The following LAMA2 variants were observed in gnomAD, a reference collection of about 807,000 sequenced individuals.
LAMA2 encodes laminin subunit alpha 2.
LAMA2 carries 269 observed loss-of-function variants against 364.8 expected under a neutral mutation model. The observed-to-expected ratio is 0.74, with a 90% CI of 0.67 to 0.82. The LOEUF is 0.82. LAMA2 is among the 40% of genes least tolerant of loss of function. The probability of loss-of-function intolerance (pLI) is 0.00; values close to 1 mark genes in which losing one functional copy is unlikely to be tolerated. For synonymous variants in LAMA2, 1,379 were observed against 1,370.6 expected, an observed-to-expected ratio of 1.01 and a Z score of -0.14; for missense variants, 3,807 against 3,873.2, an observed-to-expected ratio of 0.98 and a Z score of 0.45.
intron 22 of LAMA2, among the ~76,000 whole-genome samples, chr6:129,301,330 A>T (rs1477682509): frequency 1.3e-5 from 2 of 152,182 alleles, no homozygotes; most frequent in Non-Finnish European, 2.9e-5. Flanking sequence ...ATTTTTTCCC[A>T]TTGGTAGACC....
chr6:129,515,413 T>G (rs934577541), intron 64 of LAMA2, among the ~76,000 whole-genome samples: 1 of 152,238 alleles, frequency 6.6e-6, no homozygotes, highest in African/African-American at 2.4e-5. Context: ...GATCTTTTGC[T>G]TCAATCAGGA....
chr6:129,110,395 T>C (rs915424953), intron 4 of LAMA2, among the ~76,000 whole-genome samples: 30 of 152,068 alleles, frequency 2.0e-4, no homozygotes, highest in African/African-American at 7.2e-4. Context: ...GAATGGCAGA[T>C]CATGCTAGAT....
chr6:128,917,169 C>G (rs545886339), intron 1 of LAMA2, among the ~76,000 whole-genome samples: 14 of 57,884 alleles, frequency 2.4e-4, no homozygotes, highest in African/African-American at 5.2e-4. Context: ...GAAATTGAAG[C>G]CTTTTTTAAA....
intron 12 of LAMA2, among the ~76,000 whole-genome samples, chr6:129,198,792 A>C (rs953114194): frequency 6.6e-6 from 1 of 152,176 alleles, no homozygotes; most frequent in Non-Finnish European, 1.5e-5. Flanking sequence ...TTCTAGGAAA[A>C]TGCAACTTAA....
intron 1 of LAMA2, among the ~76,000 whole-genome samples, chr6:129,028,234 A>G (rs1785969826): frequency 6.6e-6 from 1 of 152,034 alleles, no homozygotes; most frequent in Non-Finnish European, 1.5e-5. Flanking sequence ...TAAATTATGA[A>G]CTATTTTATC....
chr6:129,026,577 A>C lies in LAMA2; in HGVS notation c.113-23341A>C, dbSNP rs560806142. 4.6e-5 allele frequency among the ~76,000 whole-genome samples: 7 copies of C among 152,312 alleles called. No individual in the cohort carries two copies. In the South Asian group the frequency reaches 1.4e-3, roughly 32 times the overall value. On this transcript the variant is annotated intron_variant, in intron 1 of 64. Transcript: ENST00000421865. Reference sequence around the variant, plus strand: ...GATACTTTAACTCTTTCAGATGTTAAGGATTCTATTTCCCAAATAACTTCA... The same window carrying C: ...GATACTTTAACTCTTTCAGATGTTACGGATTCTATTTCCCAAATAACTTCA...
At chr6:128,924,177 C>T (rs1001377916) in intron 1 of LAMA2, among the ~76,000 whole-genome samples, 11 of 152,048 alleles carry the variant, frequency 7.2e-5, no homozygotes, top group Admixed American at 3.3e-4. Context: ...TTTATCCCTG[C>T]TATAATTTTT....
intron 1 of LAMA2, among the ~76,000 whole-genome samples, chr6:128,884,308 T>A (rs1443438561): frequency 6.7e-6 from 1 of 150,370 alleles, no homozygotes; most frequent in Non-Finnish European, 1.5e-5. Flanking sequence ...GGAAAACCTG[T>A]ATCAAAGTAA....
In LAMA2 at chr6:129,478,807, C is replaced by G. The variant is rs778872049; in HGVS notation, c.7566C>G (p.Ser2522=). ...ATGTTGGTGTTACCAAAGGATGTTC[C>G]CTGGAGGTTGGTCTGTTTTTGATAG... ...PDYVGVTKGC[S]LENVYTVSFP... is the part of the protein sequence containing the mutation. Residue 2522 remains serine, a synonymous_variant, in exon 54 of 65, where the codon TCC becomes TCG. Transcript: ENST00000421865. 1 of 1,612,892 alleles carries G rather than the reference C, an allele frequency of 6.2e-7. No homozygotes were observed. Among genetic ancestry groups the G allele is most frequent in the South Asian group, 1.1e-5 (1 of 91,076 alleles).
At chr6:129,317,328 A>G (rs1024546336) in intron 27 of LAMA2, among the ~76,000 whole-genome samples, 2 of 152,204 alleles carry the variant, frequency 1.3e-5, no homozygotes, top group Non-Finnish European at 2.9e-5. Context: ...AGACCTGCCT[A>G]GGAAAGCAAA....
intron 14 of LAMA2, among the ~76,000 whole-genome samples, chr6:129,253,315 A>G (rs1380272132): frequency 6.6e-6 from 1 of 152,084 alleles, no homozygotes; most frequent in South Asian, 2.1e-4. Flanking sequence ...CCTTTAATGA[A>G]AGCAATGTCT....
chr6:129,365,206 AAG>A (rs1777691246), intron 32 of LAMA2, among the ~76,000 whole-genome samples: 1 of 152,196 alleles, frequency 6.6e-6, no homozygotes, highest in Non-Finnish European at 1.5e-5. Flanking sequence ...ATAAGACTGA[AAG>A]AGGTTAATCA....
At position 129,312,878 on chromosome 6, in the gene LAMA2, AG is replaced by A; in HGVS notation, c.3193del (p.Val1065TrpfsTer10). 6.2e-7 allele frequency: 1 copy of A among 1,613,878 alleles called. No homozygotes were observed. On this transcript the variant is annotated frameshift_variant, in exon 23 of 65. Transcript: ENST00000421865. LOFTEE classifies it high-confidence loss of function. Reference protein sequence around the residue: ...TGCKACNCSTVGSLDFQCNVN... With the variant: ...TGCKACNCSTXGSLDFQCNVN... ...CTCTATAGGCTTGTAACTGCAGCAC[AG>A]TGGGATCCTTGGATTTCCAATGCAA... is the stretch of plus-strand genomic sequence containing the variant.
At chr6:128,910,673 T>C (rs543612606) in intron 1 of LAMA2, among the ~76,000 whole-genome samples, 8 of 152,306 alleles carry the variant, frequency 5.3e-5, no homozygotes, top group South Asian at 4.1e-4. Context: ...CGTTCTGTTG[T>C]TGGTGAGGAA....
At chr6:129,019,299 T>G (rs930490479) in intron 1 of LAMA2, among the ~76,000 whole-genome samples, 1 of 150,844 alleles carries the variant, frequency 6.6e-6, no homozygotes, top group Non-Finnish European at 1.5e-5. Context: ...ATCTGCATTA[T>G]TATTAAATAA....
intron 1 of LAMA2, among the ~76,000 whole-genome samples, chr6:128,895,834 C>T (rs1341926950): frequency 6.6e-6 from 1 of 152,104 alleles, no homozygotes; most frequent in Non-Finnish European, 1.5e-5. Context: ...GAATTTCCTT[C>T]ATTTATTTCT....
At chr6:129,237,262 AACCCCTATTGATGGACGTACGG>A (rs1462779317) in intron 12 of LAMA2, among the ~76,000 whole-genome samples, 1 of 152,152 alleles carries the variant, frequency 6.6e-6, no homozygotes, top group African/African-American at 2.4e-5. Flanking sequence ...GTTTAATTGC[AACCCCTATTGATGGACGTACGG>A]ACATTTTCAA....
chr6:129,079,049 ATT>A (rs1441407597), intron 3 of LAMA2, among the ~76,000 whole-genome samples: 1 of 152,172 alleles, frequency 6.6e-6, no homozygotes, highest in Non-Finnish European at 1.5e-5. Flanking sequence ...TATATGGCAC[ATT>A]TTTTGTCCAT....
rs767784355 is a variant in LAMA2, at chr6:129,280,059, AG to A, written c.2451-1del. The A allele has an allele frequency of 2.5e-6, 4 of 1,609,290 alleles. No homozygotes were observed. Among genetic ancestry groups the A allele is most frequent in the Non-Finnish European group, 1.7e-6 (2 of 1,175,760 alleles). On this transcript the variant is annotated splice_acceptor_variant, in intron 17 of 64. Coordinates refer to ENST00000421865, the MANE Select transcript of LAMA2 (RefSeq NM_000426.4). LOFTEE classifies it high-confidence loss of function. ...CTGTTTTCCGCAACAACATCAACATAGCTTTAGCCCAACGTGCCATTTAGAC... is the reference window on the plus strand; with the variant it reads ...CTGTTTTCCGCAACAACATCAACATACTTTAGCCCAACGTGCCATTTAGAC...
Sources: allele counts gnomAD v4.1 joint callset (sites outside exome capture counted in the v4.1 genomes callset), GRCh38; gene constraint gnomAD v4.1.1; transcripts MANE v1.5; gene names NCBI Gene and HGNC (gene_info 2026-07-23, HGNC 2026-07-21).